Variants in PPM1E observed in about 807,000 individuals in gnomAD.
The protein encoded by PPM1E is protein phosphatase, Mg2+/Mn2+ dependent 1E, also known as protein phosphatase 1E.
PPM1E carries 20 observed loss-of-function variants against 65.9 expected under a neutral mutation model. That is an observed-to-expected ratio of 0.30 (90% CI 0.21 to 0.44). The LOEUF (loss-of-function observed/expected upper bound fraction) is 0.44. Among genes scored for constraint, PPM1E ranks in the 20% least tolerant of loss-of-function variants. PPM1E has a pLI of 1.00. For missense variants in PPM1E, 713 were observed against 953.1 expected (o/e 0.75, Z 3.32); for synonymous variants, 352 against 374.9 (o/e 0.94, Z 0.70).
At position 58,980,025 on chromosome 17, in the gene PPM1E, C is replaced by A. The variant is rs1161563489; in HGVS notation, c.1262C>A (p.Thr421Asn). Reference protein sequence around the residue: ...YICGDADSASTVLDGTEDYLI... With the variant: ...YICGDADSASNVLDGTEDYLI... ...TGTGGGGATGCAGATTCTGCCTCCA[C>A]TGTTCTGGATGGGACCGAAGACTAC... Residue 421 changes from threonine to asparagine, a missense_variant, in exon 7 of 7, where the codon ACT (threonine) becomes AAT (asparagine). Physicochemically the swap from Thr to Asn is moderately conservative, Grantham distance 65. This residue lies in a region of PPM1E where 88 missense variants were observed against 231.1 expected (regional missense o/e 0.38). Coordinates refer to ENST00000308249, the MANE Select transcript of PPM1E (RefSeq NM_014906.5). The surrounding 1 kb of genome is among the most constrained non-coding windows in gnomAD (Gnocchi z 4.7). 1 of 1,614,130 alleles carries A rather than the reference C, an allele frequency of 6.2e-7. No individual in the cohort carries two copies. The highest frequency in any genetic ancestry group is 8.5e-7 in the Non-Finnish European group (1 of 1,180,014).
intron 2 of PPM1E, among the ~76,000 whole-genome samples, chr17:58,962,760 AC>A (rs1405386410): frequency 6.6e-6 from 1 of 151,712 alleles, no homozygotes; most frequent in Non-Finnish European, 1.5e-5. Context: ...TTTTAAATTC[AC>A]CCTTGGTTTT....
At chr17:58,892,638 T>C (rs2051362056) in intron 1 of PPM1E, among the ~76,000 whole-genome samples, 1 of 152,092 alleles carries the variant, frequency 6.6e-6, no homozygotes, top group Non-Finnish European at 1.5e-5. Flanking sequence ...CAGAGGACAC[T>C]GTCAGGAAAC....
At chr17:58,938,010 A>G (rs1026197834) in intron 1 of PPM1E, among the ~76,000 whole-genome samples, 1 of 152,170 alleles carries the variant, frequency 6.6e-6, no homozygotes, top group African/African-American at 2.4e-5. Context: ...TATACATTTA[A>G]TGTTTCAGAA....
At chr17:58,832,688 C>T (rs899281685) in intron 1 of PPM1E, among the ~76,000 whole-genome samples, 1 of 152,198 alleles carries the variant, frequency 6.6e-6, no homozygotes, top group Non-Finnish European at 1.5e-5. Context: ...ATGTACTCTT[C>T]ACCCAGCTTC....
At chr17:58,934,444 G>C (rs966938453) in intron 1 of PPM1E, among the ~76,000 whole-genome samples, 1 of 152,008 alleles carries the variant, frequency 6.6e-6, no homozygotes, top group Admixed American at 6.6e-5. Flanking sequence ...TACTCTTAAG[G>C]AACATTCATT....
At chr17:58,793,006 T>TC (rs1369486798) in intron 1 of PPM1E, among the ~76,000 whole-genome samples, 1 of 151,936 alleles carries the variant, frequency 6.6e-6, no homozygotes, top group Admixed American at 6.6e-5. Context: ...CCTTGGCCTC[T>TC]CAAAGTGCTG....
intron 1 of PPM1E, among the ~76,000 whole-genome samples, chr17:58,833,308 T>G (rs1310837422): frequency 6.7e-6 from 1 of 150,014 alleles, no homozygotes; most frequent in Non-Finnish European, 1.5e-5. Context: ...TTTGTTACTT[T>G]GAGACTGTTA....
At chr17:58,803,942 G>A (rs533868042) in intron 1 of PPM1E, among the ~76,000 whole-genome samples, 4 of 152,206 alleles carry the variant, frequency 2.6e-5, no homozygotes, top group Admixed American at 1.3e-4. Context: ...ATTTTGTTTT[G>A]TTTTTAGGGA....
At chr17:58,873,493 A>G (rs961839039) in intron 1 of PPM1E, among the ~76,000 whole-genome samples, 5 of 151,824 alleles carry the variant, frequency 3.3e-5, no homozygotes, top group Non-Finnish European at 7.4e-5. Flanking sequence ...TAGCTGGCAA[A>G]CAGGACAAGA....
intron 1 of PPM1E, among the ~76,000 whole-genome samples, chr17:58,933,409 A>C (rs1459754481): frequency 6.6e-6 from 1 of 152,222 alleles, no homozygotes; most frequent in Admixed American, 6.5e-5. Flanking sequence ...AATCGGAAAC[A>C]ACTAAGATGC....
At chr17:58,912,645 C>T (rs1035651834) in intron 1 of PPM1E, among the ~76,000 whole-genome samples, 2 of 152,082 alleles carry the variant, frequency 1.3e-5, no homozygotes, top group African/African-American at 2.4e-5. Flanking sequence ...TTAGAACCTC[C>T]GAAATGATGT....
chr17:58,920,447 T>C (rs566339683), intron 1 of PPM1E, among the ~76,000 whole-genome samples: 1 of 152,272 alleles, frequency 6.6e-6, no homozygotes, highest in African/African-American at 2.4e-5. Context: ...CTCCCACAAC[T>C]CCTGTCTTTC....
intron 2 of PPM1E, among the ~76,000 whole-genome samples, chr17:58,958,965 CCCAAGA>C (rs2029936907): frequency 6.6e-6 from 1 of 151,838 alleles, no homozygotes; most frequent in Non-Finnish European, 1.5e-5. Context: ...CCAGAACCTA[CCCAAGA>C]CTAAAAAAGG....
At position 58,967,803 on chromosome 17, in the gene PPM1E, C is replaced by CT. The variant is rs1164198879; in HGVS notation, c.784-1721dup. Among the ~76,000 whole-genome samples the CT allele has an allele frequency of 7.3e-3, 1,014 of 137,984 alleles. 17 individuals are homozygous for CT. Among genetic ancestry groups the CT allele is most frequent in the Middle Eastern group, 0.019 (5 of 260 alleles). The allele number at this position is 137,984 out of a possible 152,430, so 90.5% of individuals were successfully genotyped here. On this transcript the variant is annotated intron_variant, in intron 3 of 6. Coordinates refer to ENST00000308249, the MANE Select transcript of PPM1E (RefSeq NM_014906.5). ...TTCTACCTGTCAGCATTCTTTATTT[C>CT]TTTTTTTTTTTTTTTGAAACGGAGT...
intron 6 of PPM1E, among the ~76,000 whole-genome samples, chr17:58,975,965 G>A (rs1201689449): frequency 1.3e-5 from 2 of 152,200 alleles, no homozygotes; most frequent in Non-Finnish European, 2.9e-5. Flanking sequence ...TCTGGCACTG[G>A]AAATAGGCAG....
chr17:58,861,634 T>G (rs983881022), intron 1 of PPM1E, among the ~76,000 whole-genome samples: 23 of 152,148 alleles, frequency 1.5e-4, no homozygotes, highest in African/African-American at 5.6e-4. Flanking sequence ...CTTTAAAAGA[T>G]GCTGTTTCTG....
At position 58,823,052 on chromosome 17, in the gene PPM1E, C is replaced by T. The variant is rs952912995; in HGVS notation, c.464+66591C>T. ...TTGACCTGGGGCAAGCCCTTCTGAGCATTTTTTTTTTAATTTTCAAAATGA... is the reference window on the plus strand; with the variant it reads ...TTGACCTGGGGCAAGCCCTTCTGAGTATTTTTTTTTTAATTTTCAAAATGA... On this transcript the variant is annotated intron_variant, in intron 1 of 6. Coordinates refer to ENST00000308249, the MANE Select transcript of PPM1E (RefSeq NM_014906.5). 1.6e-4 allele frequency among the ~76,000 whole-genome samples: 24 copies of T among 151,970 alleles called. No individual in the cohort carries two copies. In the South Asian group the frequency reaches 4.1e-3, roughly 26 times the overall value.
At chr17:58,943,354 C>T (rs1301935368) in intron 1 of PPM1E, among the ~76,000 whole-genome samples, 1 of 152,050 alleles carries the variant, frequency 6.6e-6, no homozygotes, top group African/African-American at 2.4e-5. Context: ...CAAAAATGAA[C>T]CTCGAATAAA....
intron 1 of PPM1E, among the ~76,000 whole-genome samples, chr17:58,944,419 C>T (rs1208769899): frequency 6.6e-6 from 1 of 152,038 alleles, no homozygotes; most frequent in Non-Finnish European, 1.5e-5. Flanking sequence ...GTTCAACCGT[C>T]ACCCTAAGTT....
Sources: gnomAD v4.1 joint callset for allele counts (sites outside exome capture counted in the v4.1 genomes callset) on GRCh38, gnomAD v4.1.1 for gene constraint, gnomAD v4.1.1 regional missense constraint, Gnocchi (gnomAD v3.1) non-coding constraint, MANE v1.5 for transcripts, NCBI Gene and HGNC (gene_info 2026-07-23, HGNC 2026-07-21) for gene names.